The following LRP1B variants were observed in gnomAD, a reference collection of about 807,000 sequenced individuals.
LRP1B encodes the protein LDL receptor related protein 1B, also known as low-density lipoprotein receptor-related protein 1B.
LRP1B carries 217 observed loss-of-function variants against 556.6 expected under a neutral mutation model. The observed-to-expected ratio is 0.39, with a 90% CI of 0.35 to 0.44. The LOEUF (loss-of-function observed/expected upper bound fraction) is 0.44, where lower values mean the gene tolerates loss of function less well. LRP1B is among the 20% of genes least tolerant of loss of function. The pLI is 1.00. For synonymous variants in LRP1B, 2,047 were observed against 1,865.8 expected (o/e 1.10, Z -2.50); for missense variants, 5,053 against 5,620.8 (o/e 0.90, Z 3.23).
chr2:141,276,706 G>C (rs1292713736), intron 3 of LRP1B, among the ~76,000 whole-genome samples: 4 of 144,726 alleles, frequency 2.8e-5, no homozygotes, highest in Non-Finnish European at 6.0e-5. Context: ...GCCCAGGCTG[G>C]AGTGCAGTGG....
intron 27 of LRP1B, among the ~76,000 whole-genome samples, chr2:140,865,751 T>C (rs1372398606): frequency 6.6e-6 from 1 of 152,118 alleles, no homozygotes; most frequent in Non-Finnish European, 1.5e-5. Context: ...GAAAATATGT[T>C]AAATTACATC....
intron 1 of LRP1B, among the ~76,000 whole-genome samples, chr2:141,864,440 C>G (rs1467734046): frequency 1.3e-5 from 2 of 151,654 alleles, no homozygotes; most frequent in Non-Finnish European, 2.9e-5. Context: ...AGATCTGAGA[C>G]AAGGCCCCAA....
chr2:141,598,102 T>G (rs1687589673), intron 2 of LRP1B, among the ~76,000 whole-genome samples: 1 of 151,790 alleles, frequency 6.6e-6, no homozygotes, highest in Admixed American at 6.6e-5. Context: ...TATAATTTTT[T>G]TATTATATAT....
chr2:142,021,170 TATA>T (rs1191523279), intron 1 of LRP1B, among the ~76,000 whole-genome samples: 1 of 152,184 alleles, frequency 6.6e-6, no homozygotes, highest in Non-Finnish European at 1.5e-5. Flanking sequence ...ATTCCAGAGA[TATA>T]ATGATTCATA....
At chr2:141,556,987 A>T (rs1685981315) in intron 2 of LRP1B, among the ~76,000 whole-genome samples, 1 of 151,704 alleles carries the variant, frequency 6.6e-6, no homozygotes, top group Non-Finnish European at 1.5e-5. Context: ...TTCCCAGAGG[A>T]TTGGATGTAA....
intron 2 of LRP1B, among the ~76,000 whole-genome samples, chr2:141,582,872 G>C (rs1196125277): frequency 1.1e-5 from 1 of 92,394 alleles, no homozygotes; most frequent in Non-Finnish European, 2.0e-5. Context: ...GTTTTGCTCT[G>C]TCACCCAGGC....
At position 140,598,624 on chromosome 2, in the gene LRP1B, A is replaced by G; in HGVS notation, c.7194+7T>C. On this transcript the variant is annotated splice_region_variant and intron_variant, in intron 43 of 90. Transcript: ENST00000389484. Reference sequence around the variant, plus strand: ...CTCTATAACCAAGAAATTCCTGATTAACTTACATGTCTCTGGGATCCATCG... The same window carrying G: ...CTCTATAACCAAGAAATTCCTGATTGACTTACATGTCTCTGGGATCCATCG... 2 of 1,605,634 alleles carry G rather than the reference A, an allele frequency of 1.2e-6. No individual in the cohort carries two copies. Among genetic ancestry groups the G allele is most frequent in the Non-Finnish European group, 1.7e-6 (2 of 1,172,570 alleles).
At chr2:141,686,666 G>A (rs1241741440) in intron 2 of LRP1B, among the ~76,000 whole-genome samples, 1 of 151,878 alleles carries the variant, frequency 6.6e-6, no homozygotes, top group Non-Finnish European at 1.5e-5. Flanking sequence ...CAATCTTATG[G>A]TTTGAAGGTC....
intron 40 of LRP1B, 26 bp downstream of exon 40, chr2:140,701,695 T>A (rs1477443589): frequency 6.3e-7 from 1 of 1,591,024 alleles, no homozygotes; most frequent in East Asian, 2.2e-5. Context: ...AATATACATA[T>A]TATGTATTCT....
At chr2:141,295,939 C>T (rs1011294544) in intron 3 of LRP1B, among the ~76,000 whole-genome samples, 7 of 152,124 alleles carry the variant, frequency 4.6e-5, no homozygotes, top group African/African-American at 1.4e-4. Context: ...TCTGTAGTCT[C>T]GGTTAATTTC....
chr2:141,382,638 G>A (rs932517686), intron 3 of LRP1B, among the ~76,000 whole-genome samples: 4 of 152,142 alleles, frequency 2.6e-5, no homozygotes, highest in African/African-American at 9.7e-5. Context: ...AGGATCCCAG[G>A]ATCAGCTCTA....
chr2:141,134,902 C>T (rs866538271), intron 7 of LRP1B, among the ~76,000 whole-genome samples: 16 of 151,616 alleles, frequency 1.1e-4, no homozygotes, highest in African/African-American at 3.9e-4. Context: ...ATAAACCATA[C>T]TTCATAAATT....
At chr2:140,691,007 T>G (rs987471883) in intron 41 of LRP1B, among the ~76,000 whole-genome samples, 1 of 152,172 alleles carries the variant, frequency 6.6e-6, no homozygotes, top group African/African-American at 2.4e-5. Context: ...ATGTCTGTAT[T>G]CTATGATCAA....
At chr2:140,653,020 A>G (rs1248871573) in intron 41 of LRP1B, among the ~76,000 whole-genome samples, 1 of 152,136 alleles carries the variant, frequency 6.6e-6, no homozygotes, top group Admixed American at 6.5e-5. Context: ...CGTTTGAGGA[A>G]TATCTCCAAC....
At chr2:140,758,283 T>A (rs1456780113) in intron 35 of LRP1B, among the ~76,000 whole-genome samples, 1 of 151,774 alleles carries the variant, frequency 6.6e-6, no homozygotes, top group Non-Finnish European at 1.5e-5. Context: ...CATGTTAGAA[T>A]GTAAGTAAAA....
chr2:141,743,015 C>T (rs1305842377), intron 2 of LRP1B, among the ~76,000 whole-genome samples: 1 of 151,874 alleles, frequency 6.6e-6, no homozygotes, highest in African/African-American at 2.4e-5. Flanking sequence ...GTCCTTAGGT[C>T]TTTCCAAATA....
chr2:141,548,038 G>A (rs924371862), intron 2 of LRP1B, among the ~76,000 whole-genome samples: 1 of 152,172 alleles, frequency 6.6e-6, no homozygotes, highest in African/African-American at 2.4e-5. Context: ...TGTATGTCTT[G>A]AATATACACA....
At chr2:140,319,444 G>A (rs980547585) in intron 82 of LRP1B, among the ~76,000 whole-genome samples, 5 of 152,116 alleles carry the variant, frequency 3.3e-5, no homozygotes, top group African/African-American at 9.7e-5. Flanking sequence ...AACTGCTGAA[G>A]GTATGACATT....
At chr2:140,884,894 G>T (rs1573841641) in intron 24 of LRP1B, among the ~76,000 whole-genome samples, 1 of 151,866 alleles carries the variant, frequency 6.6e-6, no homozygotes, top group Admixed American at 6.6e-5. Flanking sequence ...TTGTATTTTT[G>T]GTAGAGATGG....
Sources: allele counts gnomAD v4.1 joint callset (sites outside exome capture counted in the v4.1 genomes callset), GRCh38; gene constraint gnomAD v4.1.1; transcripts MANE v1.5; gene names NCBI Gene and HGNC (gene_info 2026-07-23, HGNC 2026-07-21).